The following ACACA variants were observed in gnomAD, a reference collection of about 807,000 sequenced individuals.
The protein encoded by ACACA is acetyl-CoA carboxylase 1.
ACACA carries 103 observed loss-of-function variants against 296.1 expected under a neutral mutation model. The observed-to-expected ratio is 0.35, with a 90% CI of 0.30 to 0.41. The LOEUF (loss-of-function observed/expected upper bound fraction) is 0.41, where lower values mean the gene tolerates loss of function less well. Among genes scored for constraint, ACACA ranks in the 10% least tolerant of loss-of-function variants. The probability of loss-of-function intolerance (pLI) is 1.00; values close to 1 mark genes in which losing one functional copy is unlikely to be tolerated. For missense variants in ACACA, 1,554 were observed against 2,989.7 expected (o/e 0.52, Z 11.20); for synonymous variants, 953 against 1,038.6 (o/e 0.92, Z 1.58).
intron 47 of ACACA, among the ~76,000 whole-genome samples, chr17:37,128,917 G>C (rs1348851816): frequency 6.6e-6 from 1 of 152,224 alleles, no homozygotes; most frequent in East Asian, 1.9e-4. Flanking sequence ...TTGCTGAGAA[G>C]AGTGAAGTCA....
In ACACA at chr17:37,244,592, C is replaced by T; in HGVS notation, c.2738G>A (p.Ser913Asn). The change falls in exon 21 of 56, where the codon AGC becomes AAC. Residue 913 changes from serine (S) to asparagine (N), a missense_variant. By Grantham distance (46) the Ser-to-Asn change is conservative. Transcript: ENST00000616317. The stretch of plus-strand genomic sequence containing the variant: ...CCCAGGAGACGTGATACATACCTTG[C>T]TGCTAAAGAAAGGATCTGGAAGGCA... ...GYCLPDPFFS[S>N]KVKDWVERLM... 4.3e-6 allele frequency: 7 copies of T among 1,614,138 alleles called. No homozygotes were observed. Among genetic ancestry groups the T allele is most frequent in the Non-Finnish European group, 5.9e-6 (7 of 1,179,992 alleles).
chr17:37,346,423 C>G lies in ACACA; in HGVS notation c.39-6573G>C, dbSNP rs533130023. Among the ~76,000 whole-genome samples the G allele has an allele frequency of 2.6e-5, 4 of 151,774 alleles. No individual in the cohort carries two copies. In the South Asian group the frequency reaches 6.3e-4, roughly 24 times the overall value. ...GATAAGAAAAAATATCTATTGAGAC[C>G]AGGTGTGGTGGCTCACTCCTGTAAT... is the stretch of plus-strand genomic sequence containing the variant. On this transcript the variant is annotated intron_variant, in intron 1 of 55. Transcript: ENST00000616317.
rs1049369766 is a variant in ACACA, at chr17:37,244,593, T to C, written c.2737A>G (p.Ser913Gly). ...GYCLPDPFFS[S>G]KVKDWVERLM... Reference sequence around the variant, plus strand: ...CCAGGAGACGTGATACATACCTTGCTGCTAAAGAAAGGATCTGGAAGGCAG... The same window carrying C: ...CCAGGAGACGTGATACATACCTTGCCGCTAAAGAAAGGATCTGGAAGGCAG... Residue 913 changes from serine (S) to glycine (G), a missense_variant, in exon 21 of 56, where the codon AGC becomes GGC. Coordinates refer to ENST00000616317, the MANE Select transcript of ACACA (RefSeq NM_198834.3). The C allele has an allele frequency of 1.2e-6, 2 of 1,614,066 alleles. No individual in the cohort carries two copies. The highest frequency in any genetic ancestry group is 2.7e-5 in the African/African-American group (2 of 74,948).
chr17:37,215,766 G>C (rs960868835), intron 29 of ACACA, among the ~76,000 whole-genome samples: 1 of 151,966 alleles, frequency 6.6e-6, no homozygotes, highest in Non-Finnish European at 1.5e-5. Flanking sequence ...TAGGAAAAAA[G>C]ACAGACATAT....
chr17:37,295,538 C>CAG (rs1188543616), intron 3 of ACACA, among the ~76,000 whole-genome samples: 2 of 152,028 alleles, frequency 1.3e-5, no homozygotes, highest in Non-Finnish European at 2.9e-5. Context: ...TCTGTAATTC[C>CAG]AGCACTTTGG....
chr17:37,406,745 G>A lies in ACACA; in HGVS notation c.-446C>T, dbSNP rs535213602. 3.7e-3 allele frequency: 629 copies of A among 167,898 alleles called. 5 individuals are homozygous for A. Among genetic ancestry groups the A allele is most frequent in the African/African-American group, 0.014 (591 of 41,990 alleles). The allele number at this position is 167,898 out of a possible 1,614,324, so 10.4% of individuals were successfully genotyped here. A position where few individuals can be genotyped will look rare whatever the true frequency, so the allele number is the denominator to read the frequency against. Reference sequence around the variant, plus strand: ...GTCCTCGGGCACGGGGACAGCAGCAGGCGCGCGGCGGGGACCGGGAAAAGG... The same window carrying A: ...GTCCTCGGGCACGGGGACAGCAGCAAGCGCGCGGCGGGGACCGGGAAAAGG... On this transcript the variant is annotated 5_prime_UTR_variant, in exon 1 of 56. Coordinates refer to ENST00000616317, the MANE Select transcript of ACACA (RefSeq NM_198834.3).
intron 3 of ACACA, among the ~76,000 whole-genome samples, chr17:37,286,224 ATAACAGTGTTTC>A (rs2082765433): frequency 1.3e-5 from 2 of 151,948 alleles, no homozygotes; most frequent in Non-Finnish European, 2.9e-5. Context: ...GGTACATAAA[ATAACAGTGTTTC>A]TAACAATCAA....
intron 8 of ACACA, 108 bp from the exon 9 acceptor site, chr17:37,274,407 G>C: frequency 8.9e-7 from 1 of 1,126,218 alleles, no homozygotes; most frequent in Non-Finnish European, 1.3e-6. Flanking sequence ...AACTGAGAGT[G>C]GATGGGAGAA....
intron 45 of ACACA, among the ~76,000 whole-genome samples, chr17:37,136,858 G>A (rs1272130105): frequency 4.6e-5 from 7 of 151,716 alleles, no homozygotes; most frequent in Non-Finnish European, 8.8e-5. Context: ...CAGGAGAATC[G>A]CTTGAACCCG....
intron 3 of ACACA, among the ~76,000 whole-genome samples, chr17:37,292,898 A>G (rs1308872717): frequency 6.6e-6 from 1 of 152,182 alleles, no homozygotes; most frequent in Non-Finnish European, 1.5e-5. Context: ...CAAATGACCA[A>G]TAAGTACTTC....
At chr17:37,363,428 G>A (rs567444053) in intron 1 of ACACA, among the ~76,000 whole-genome samples, 5 of 151,530 alleles carry the variant, frequency 3.3e-5, no homozygotes, top group Admixed American at 6.6e-5. Context: ...TGATCCACCC[G>A]CCTTGGCCTC....
In ACACA at chr17:37,087,346, G is replaced by T. The variant is rs1264749635; in HGVS notation, c.7122C>A (p.Ile2374=). The change falls in exon 56 of 56, where the codon ATC becomes ATA. Residue 2374 remains isoleucine, a synonymous_variant. Transcript: ENST00000616317. ...SPTQRAEVIR[I]LSTMDSPST Reference sequence around the variant, plus strand: ...TGGAAGGGGAATCCATTGTGGAGAGGATCCGTATGACTTCTGCTCGCTGAG... The same window carrying T: ...TGGAAGGGGAATCCATTGTGGAGAGTATCCGTATGACTTCTGCTCGCTGAG... 2 of 1,614,052 alleles carry T rather than the reference G, an allele frequency of 1.2e-6. No individual in the cohort carries two copies. Among genetic ancestry groups the T allele is most frequent in the Non-Finnish European group, 1.7e-6 (2 of 1,180,050 alleles).
intron 29 of ACACA, among the ~76,000 whole-genome samples, chr17:37,210,753 A>C (rs2070014043): frequency 1.8e-5 from 1 of 54,798 alleles, no homozygotes. Context: ...TCTATTACCA[A>C]AAAAAAAAAA....
intron 14 of ACACA, among the ~76,000 whole-genome samples, chr17:37,257,450 A>G (rs2081275715): frequency 6.6e-6 from 1 of 152,246 alleles, no homozygotes; most frequent in African/African-American, 2.4e-5. Flanking sequence ...AATTTTATAC[A>G]TTTATCAAAA....
At chr17:37,282,902 A>G (rs1199518226) in intron 5 of ACACA, among the ~76,000 whole-genome samples, 1 of 152,232 alleles carries the variant, frequency 6.6e-6, no homozygotes, top group African/African-American at 2.4e-5. Flanking sequence ...CTATAATTCA[A>G]TATAACGCAT....
chr17:37,280,996 C>T (rs2082497348), intron 5 of ACACA, among the ~76,000 whole-genome samples: 1 of 151,814 alleles, frequency 6.6e-6, no homozygotes, highest in African/African-American at 2.4e-5. Flanking sequence ...CCCCCAATTG[C>T]TTCACTAACT....
chr17:37,181,244 A>T lies in ACACA; in HGVS notation c.4889T>A (p.Leu1630Ter). ...GATATCATATATGTATGTTGTCCCT[A>T]AGGATTGTGCCTGGAACCTCTTTGA... ...LQSKRFQAQSLGTTYIYDIPE... is the reference protein window; with the variant it reads ...LQSKRFQAQS Residue 1630 changes from leucine to a stop codon, truncating the protein, a stop_gained, in exon 40 of 56, where the codon TTA becomes TAA. Transcript: ENST00000616317. LOFTEE classifies it high-confidence loss of function. The T allele has an allele frequency of 6.2e-7, 1 of 1,614,080 alleles. No homozygotes were observed. The highest frequency in any genetic ancestry group is 8.5e-7 in the Non-Finnish European group (1 of 1,179,986).
intron 54 of ACACA, among the ~76,000 whole-genome samples, 178 bp from the exon 55 acceptor site, chr17:37,089,252 T>C (rs943985213): frequency 6.6e-5 from 10 of 152,182 alleles, no homozygotes; most frequent in Non-Finnish European, 1.3e-4. Flanking sequence ...GCTGTGCCCC[T>C]TCTCCTTCTC....
At chr17:37,187,534 T>G (rs2145016128) in intron 39 of ACACA, among the ~76,000 whole-genome samples, 1 of 152,360 alleles carries the variant, frequency 6.6e-6, no homozygotes, top group South Asian at 2.1e-4. Flanking sequence ...AGTATCATAG[T>G]AAAGAGCCCA....
Sources: gnomAD v4.1 joint callset for allele counts (sites outside exome capture counted in the v4.1 genomes callset) on GRCh38, gnomAD v4.1.1 for gene constraint, MANE v1.5 for transcripts, NCBI Gene and HGNC (gene_info 2026-07-23, HGNC 2026-07-21) for gene names.